The following SDK2 variants were observed in gnomAD, a reference collection of about 807,000 sequenced individuals.
SDK2 encodes sidekick cell adhesion molecule 2, also known as protein sidekick-2.
SDK2 carries 105 observed loss-of-function variants against 253.9 expected under a neutral mutation model. The observed-to-expected ratio is 0.41, with a 90% confidence interval of 0.35 to 0.49. The LOEUF is 0.49. SDK2 is among the 20% of genes least tolerant of loss of function. SDK2 has a pLI of 0.06. For synonymous variants in SDK2, 1,249 were observed against 1,234.9 expected (o/e 1.01, Z -0.24); for missense variants, 2,608 against 3,003.0 (o/e 0.87, Z 3.07).
At chr17:73,558,803 T>C (rs577355280) in intron 1 of SDK2, among the ~76,000 whole-genome samples, 1 of 152,226 alleles carries the variant, frequency 6.6e-6, no homozygotes, top group African/African-American at 2.4e-5. Flanking sequence ...GGCTCTCAAA[T>C]GGGGTCTCAA....
intron 20 of SDK2, 135 bp downstream of exon 20, chr17:73,401,519 G>C: frequency 1.2e-6 from 1 of 835,368 alleles, no homozygotes; most frequent in Non-Finnish European, 2.0e-6. Flanking sequence ...AGAGCCTCCT[G>C]TGAGTGGTTT....
chr17:73,526,910 G>C (rs868660291), intron 1 of SDK2, among the ~76,000 whole-genome samples: 6 of 152,232 alleles, frequency 3.9e-5, no homozygotes, highest in Non-Finnish European at 7.3e-5. Context: ...GTCATGACTT[G>C]TCTTGTTGAC....
intron 2 of SDK2, among the ~76,000 whole-genome samples, chr17:73,493,855 C>T (rs1450949403): frequency 4.6e-5 from 7 of 152,200 alleles, no homozygotes. Context: ...GCCCTGCCTG[C>T]CCCAGCTTCA....
At chr17:73,626,877 C>T (rs879502306) in intron 1 of SDK2, among the ~76,000 whole-genome samples, 1 of 152,206 alleles carries the variant, frequency 6.6e-6, no homozygotes, top group Non-Finnish European at 1.5e-5. Context: ...ACCTGCTGTG[C>T]TGAGGACAGA....
At chr17:73,454,517 C>A (rs540266680) in intron 4 of SDK2, among the ~76,000 whole-genome samples, 1 of 152,316 alleles carries the variant, frequency 6.6e-6, no homozygotes, top group South Asian at 2.1e-4. Context: ...GAGGGTCATT[C>A]ATTCAACAAC....
Position 73,433,762 on chromosome 17 carries a change from C to A in SDK2, c.1282G>T (p.Ala428Ser). The A allele has an allele frequency of 6.2e-7, 1 of 1,607,720 alleles. No individual in the cohort carries two copies. The highest frequency in any genetic ancestry group is 8.5e-7 in the Non-Finnish European group (1 of 1,177,120). Residue 428 changes from alanine (A) to serine (S), a missense_variant, in exon 10 of 45, where the codon GCG becomes TCG. Coordinates refer to ENST00000392650, the MANE Select transcript of SDK2 (RefSeq NM_001144952.2). Reference sequence around the variant, plus strand: ...TGCCAAGTGATAGCTGGTCGGGGCGCCCCCGAGGTCTCACATGCTAGCACC... The same window carrying A: ...TGCCAAGTGATAGCTGGTCGGGGCGACCCCGAGGTCTCACATGCTAGCACC... Reference protein sequence around the residue: ...SVVLACETSGAPRPAITWQKG... With the variant: ...SVVLACETSGSPRPAITWQKG...
intron 44 of SDK2, among the ~76,000 whole-genome samples, chr17:73,342,126 C>G (rs1447180164): frequency 6.6e-6 from 1 of 151,676 alleles, no homozygotes; most frequent in Non-Finnish European, 1.5e-5. Context: ...TTAAATACTC[C>G]CTAGTCCATC....
At chr17:73,359,842 G>A (rs140538840) in intron 39 of SDK2, among the ~76,000 whole-genome samples, 2 of 152,050 alleles carry the variant, frequency 1.3e-5, no homozygotes, top group African/African-American at 4.8e-5. Context: ...GGGTTTTGCT[G>A]TATTGCCCAG....
rs117227569 is a variant in SDK2, at chr17:73,610,620, G to A, written c.64+33405C>T. Among the ~76,000 whole-genome samples the A allele has an allele frequency of 2.8e-4, 42 of 152,236 alleles. 1 individual carries two copies. The East Asian group carries it at 5.6e-3, about 20-fold the overall frequency. On this transcript the variant is annotated intron_variant, in intron 1 of 44. Transcript: ENST00000392650. The stretch of plus-strand genomic sequence containing the variant: ...AGTAGCCACGAGGGAGGCGGGGAGT[G>A]AGTATGTGTGCATGTTTATGTGTGC...
intron 43 of SDK2, 71 bp downstream of exon 43, chr17:73,350,166 G>A: frequency 3.8e-5 from 6 of 156,972 alleles, no homozygotes; most frequent in Non-Finnish European, 4.9e-5. Context: ...CTGCTCTATG[G>A]CCTTCCCCAG....
intron 18 of SDK2, among the ~76,000 whole-genome samples, chr17:73,411,176 C>T (rs969993817): frequency 6.6e-6 from 1 of 152,192 alleles, no homozygotes; most frequent in Non-Finnish European, 1.5e-5. Context: ...GGTTCACTGC[C>T]TTCCTGGGAT....
Position 73,405,486 on chromosome 17 carries a change from AT to A in SDK2, c.2485-3346del, listed in dbSNP as rs1568385633. Among the ~76,000 whole-genome samples the A allele has an allele frequency of 1.2e-3, 115 of 92,748 alleles. 11 individuals are homozygous for A. The highest frequency in any genetic ancestry group is 2.3e-3 in the East Asian group (6 of 2,576). 60.8% of individuals were successfully genotyped at this position (92,748 alleles called of 152,430 possible). The stretch of plus-strand genomic sequence containing the variant: ...AAAAACCATATATATATATATATAT[AT>A]ATATATATATATATATATATATATA... On this transcript the variant is annotated intron_variant, in intron 18 of 44. Coordinates refer to ENST00000392650, the MANE Select transcript of SDK2 (RefSeq NM_001144952.2).
rs2045995663 is a variant in SDK2 at position 73,612,904 on chromosome 17, G to A, written c.64+31121C>T. ...TGCACTCCAGCCTGGGTGACAGAGC[G>A]AGACTCCGTCTCAAATAATAATAAT... On this transcript the variant is annotated intron_variant, in intron 1 of 44. Transcript: ENST00000392650. The surrounding 1 kb of genome is among the most constrained non-coding windows in gnomAD (Gnocchi z 4.4). 6.6e-6 allele frequency among the ~76,000 whole-genome samples: 1 copy of A among 150,934 alleles called. No homozygotes were observed. The highest frequency in any genetic ancestry group is 6.6e-5 in the Admixed American group (1 of 15,230).
At chr17:73,414,097 A>T (rs2063160799) in intron 18 of SDK2, among the ~76,000 whole-genome samples, 1 of 143,798 alleles carries the variant, frequency 7.0e-6, no homozygotes, top group South Asian at 2.2e-4. Flanking sequence ...CCCAGGGTGT[A>T]GTGCAATGGC....
chr17:73,391,498 C>T lies in SDK2; in HGVS notation c.3939G>A (p.Arg1313=), dbSNP rs2062927848. The T allele has an allele frequency of 7.6e-7, 1 of 1,308,260 alleles. No individual in the cohort carries two copies. The highest frequency in any genetic ancestry group is 1.5e-5 in the African/African-American group (1 of 66,492). The allele number at this position is 1,308,260 out of a possible 1,614,324, so 81.0% of individuals were successfully genotyped here. Residue 1313 remains arginine (R), a synonymous_variant, in exon 28 of 45, where the codon CGG becomes CGA. Transcript: ENST00000392650. The part of the protein sequence containing the change: ...PPMGILFPEV[R]TTSVRLIWQP... The stretch of plus-strand genomic sequence containing the variant: ...GCCAGATCAGCCGCACAGACGTGGT[C>T]CGCACCTCTGGGAACAGGATGCCCA...
At position 73,337,353 on chromosome 17, in the gene SDK2, G is replaced by A. The variant is rs915586121; in HGVS notation, c.*1234C>T. 6.6e-6 allele frequency: 1 copy of A among 152,362 alleles called. No homozygotes were observed. The highest frequency in any genetic ancestry group is 1.5e-5 in the Non-Finnish European group (1 of 68,150). The allele number at this position is 152,362 out of a possible 1,614,324, so 9.4% of individuals were successfully genotyped here. ...GACCAGGGACTTGGGCCACCCCTCT[G>A]GGCTCCTGTGCCTCTGTGCTTAGGA... On this transcript the variant is annotated 3_prime_UTR_variant, in exon 45 of 45. Transcript: ENST00000392650.
intron 1 of SDK2, among the ~76,000 whole-genome samples, chr17:73,560,210 T>C (rs1257887945): frequency 6.6e-6 from 1 of 152,156 alleles, no homozygotes; most frequent in African/African-American, 2.4e-5. Context: ...CCACAATAAA[T>C]GACAGACAAG....
At chr17:73,600,453 G>C (rs1461765206) in intron 1 of SDK2, among the ~76,000 whole-genome samples, 1 of 152,080 alleles carries the variant, frequency 6.6e-6, no homozygotes, top group Admixed American at 6.5e-5. Context: ...GGGGTGTGGA[G>C]AGGGCGACAG....
chr17:73,573,274 A>G (rs1187043964), intron 1 of SDK2, among the ~76,000 whole-genome samples: 1 of 152,132 alleles, frequency 6.6e-6, no homozygotes, highest in Non-Finnish European at 1.5e-5. Context: ...TGAGACAATG[A>G]TGAGTCTAAG....
Sources: gnomAD v4.1 joint callset for allele counts (sites outside exome capture counted in the v4.1 genomes callset) on GRCh38, gnomAD v4.1.1 for gene constraint, Gnocchi (gnomAD v3.1) non-coding constraint, MANE v1.5 for transcripts, NCBI Gene and HGNC (gene_info 2026-07-23, HGNC 2026-07-21) for gene names.